PDZD8: variants seen among roughly 807,000 people sequenced by gnomAD.
The protein encoded by PDZD8 is PDZ domain containing 8.
Under a neutral mutation model 85.8 loss-of-function variants are expected in PDZD8, and 14 were observed. The observed-to-expected ratio is 0.16, with a 90% CI of 0.11 to 0.26. The LOEUF is 0.26. PDZD8 is among the 10% of genes least tolerant of loss of function. The pLI is 1.00. For synonymous variants in PDZD8, 592 were observed against 568.6 expected (o/e 1.04, Z -0.59); for missense variants, 1,197 against 1,424.3 (o/e 0.84, Z 2.57).
chr10:117,314,258 TGATTTACCTTTTA>T (rs1163657889), intron 3 of PDZD8: 1 of 152,244 alleles, frequency 6.6e-6, no homozygotes, highest in Non-Finnish European at 1.5e-5. Context: ...CTGGTATCAA[TGATTTACCTTTTA>T]GAATCGGATT....
chr10:117,283,088 C>T lies in PDZD8; in HGVS notation c.*180G>A. 2 of 578,472 alleles carry T rather than the reference C, an allele frequency of 3.5e-6. No homozygotes were observed. Among genetic ancestry groups the T allele is most frequent in the Non-Finnish European group, 5.8e-6 (2 of 346,774 alleles). 35.8% of individuals were successfully genotyped at this position (578,472 alleles called of 1,614,324 possible). A position where few individuals can be genotyped will look rare whatever the true frequency, so the allele number is the denominator to read the frequency against. On this transcript the variant is annotated 3_prime_UTR_variant, in exon 5 of 5. Transcript: ENST00000334464. ...TAGCTATAAATGCAATCCAAAACAA[C>T]CAATTAGTAAGCTGGTCATGTTTTT...
At chr10:117,366,035 TAA>T (rs776871556) in intron 1 of PDZD8, among the ~76,000 whole-genome samples, 78 of 151,700 alleles carry the variant, frequency 5.1e-4, no homozygotes, top group Non-Finnish European at 8.2e-4. Flanking sequence ...TATGAAATCT[TAA>T]GAGGAAAAAA....
chr10:117,365,071 G>C (rs530319969), intron 1 of PDZD8, among the ~76,000 whole-genome samples: 3 of 151,942 alleles, frequency 2.0e-5, no homozygotes, highest in African/African-American at 7.2e-5. Context: ...AATCAAAATG[G>C]AGAGGAGATT....
At chr10:117,304,199 G>A (rs140652497) in intron 3 of PDZD8, among the ~76,000 whole-genome samples, 4 of 152,342 alleles carry the variant, frequency 2.6e-5, no homozygotes, top group South Asian at 4.1e-4. Flanking sequence ...TTGCATCAGC[G>A]TGACCTGGAT....
intron 2 of PDZD8, among the ~76,000 whole-genome samples, chr10:117,323,980 C>A (rs926544002): frequency 6.6e-6 from 1 of 151,994 alleles, no homozygotes; most frequent in African/African-American, 2.4e-5. Context: ...GTAATCCCAG[C>A]ACTTTGGGGG....
chr10:117,319,744 C>T (rs1844197845), intron 2 of PDZD8, among the ~76,000 whole-genome samples: 1 of 151,898 alleles, frequency 6.6e-6, no homozygotes, highest in Non-Finnish European at 1.5e-5. Context: ...GTTTTTATTG[C>T]TGAAGAAAAA....
At chr10:117,362,591 G>A (rs957288582) in intron 1 of PDZD8, among the ~76,000 whole-genome samples, 2 of 152,080 alleles carry the variant, frequency 1.3e-5, no homozygotes, top group East Asian at 1.9e-4. Flanking sequence ...ATAAATGCTT[G>A]TTGAGTGGCA....
intron 1 of PDZD8, among the ~76,000 whole-genome samples, chr10:117,363,638 C>T (rs1001807248): frequency 2.0e-5 from 3 of 152,044 alleles, no homozygotes; most frequent in African/African-American, 7.2e-5. Flanking sequence ...GAAGAATAAA[C>T]CCAATGAGGA....
chr10:117,370,409 A>G (rs1350718363), intron 1 of PDZD8, among the ~76,000 whole-genome samples: 1 of 152,228 alleles, frequency 6.6e-6, no homozygotes, highest in East Asian at 1.9e-4. Flanking sequence ...GGCAAAATAA[A>G]TGAAGGGGGA....
At chr10:117,330,503 A>G (rs987274289) in intron 2 of PDZD8, among the ~76,000 whole-genome samples, 6 of 152,200 alleles carry the variant, frequency 3.9e-5, no homozygotes, top group African/African-American at 1.4e-4. Context: ...ATCAACGTCA[A>G]TGGATACATA....
At chr10:117,362,879 A>G (rs1845021902) in intron 1 of PDZD8, among the ~76,000 whole-genome samples, 2 of 91,196 alleles carry the variant, frequency 2.2e-5, no homozygotes, top group African/African-American at 1.2e-4. Context: ...ACAAAAGGAC[A>G]CATATTTTAC....
chr10:117,286,160 C>A (rs1344859055), intron 4 of PDZD8, among the ~76,000 whole-genome samples: 1 of 152,066 alleles, frequency 6.6e-6, no homozygotes, highest in Non-Finnish European at 1.5e-5. Context: ...TTAATTGTTA[C>A]ACGTAGTTTA....
At chr10:117,351,031 C>A (rs1844797024) in intron 1 of PDZD8, among the ~76,000 whole-genome samples, 1 of 152,020 alleles carries the variant, frequency 6.6e-6, no homozygotes, top group African/African-American at 2.4e-5. Flanking sequence ...AAGTTACATG[C>A]ATTAAGTAAA....
intron 3 of PDZD8, among the ~76,000 whole-genome samples, chr10:117,310,219 A>G (rs1844012240): frequency 6.6e-6 from 1 of 152,118 alleles, no homozygotes; most frequent in African/African-American, 2.4e-5. Flanking sequence ...TCCTATACAT[A>G]CTATGAGGTT....
intron 2 of PDZD8, among the ~76,000 whole-genome samples, chr10:117,319,754 A>G (rs1423847195): frequency 6.6e-6 from 1 of 152,100 alleles, no homozygotes; most frequent in African/African-American, 2.4e-5. Flanking sequence ...CTGAAGAAAA[A>G]AGGTTACTCA....
intron 1 of PDZD8, among the ~76,000 whole-genome samples, chr10:117,370,906 GAAC>G (rs1225458899): frequency 6.9e-6 from 1 of 144,136 alleles, no homozygotes; most frequent in East Asian, 2.0e-4. Flanking sequence ...AATCACTTAA[GAAC>G]AACATAGTTT....
chr10:117,283,260 C>T lies in PDZD8; in HGVS notation c.*8G>A. On this transcript the variant is annotated 3_prime_UTR_variant, in exon 5 of 5. Coordinates refer to ENST00000334464, the MANE Select transcript of PDZD8 (RefSeq NM_173791.5). ...CTGTTCATTTGAAAGCTTAAATAGA[C>T]CTGTCTGCTACACAGACTCGGATGG... The T allele has an allele frequency of 6.3e-7, 1 of 1,596,436 alleles. No individual in the cohort carries two copies. The highest frequency in any genetic ancestry group is 2.2e-5 in the East Asian group (1 of 44,798).
chr10:117,302,424 CTTGTTT>C (rs1207244932), intron 3 of PDZD8, among the ~76,000 whole-genome samples: 4 of 152,178 alleles, frequency 2.6e-5, no homozygotes. Context: ...TGGCAAATGT[CTTGTTT>C]TTATCACTTG....
intron 3 of PDZD8, among the ~76,000 whole-genome samples, chr10:117,301,876 T>A (rs1167243850): frequency 6.6e-6 from 1 of 151,948 alleles, no homozygotes. Context: ...TTCCCTCTTC[T>A]CTCCCTCCCC....
Sources: allele counts gnomAD v4.1 joint callset (sites outside exome capture counted in the v4.1 genomes callset), GRCh38; gene constraint gnomAD v4.1.1; transcripts MANE v1.5; gene names NCBI Gene and HGNC (gene_info 2026-07-23, HGNC 2026-07-21).